Variants in ZC3H3 observed in about 807,000 individuals in gnomAD.
ZC3H3 encodes the protein zinc finger CCCH domain-containing protein 3.
In ZC3H3, 36 loss-of-function variants were observed where a neutral mutation model predicts 77.3. That is an observed-to-expected ratio of 0.47 (90% CI 0.36 to 0.61). The LOEUF is 0.61. ZC3H3 is among the 20% of genes least tolerant of loss of function. The pLI is 0.00. For missense variants in ZC3H3, 1,331 were observed against 1,312.2 expected (o/e 1.01, Z -0.22); for synonymous variants, 626 against 555.2 (o/e 1.13, Z -1.79).
At chr8:143,472,590 C>A (rs1172345376) in intron 5 of ZC3H3, among the ~76,000 whole-genome samples, 2 of 152,146 alleles carry the variant, frequency 1.3e-5, no homozygotes, top group East Asian at 3.9e-4. Context: ...CTGAGGGGGC[C>A]AAGTGCAAAC....
At chr8:143,453,250 G>GT (rs761940887) in intron 9 of ZC3H3, among the ~76,000 whole-genome samples, 2 of 151,284 alleles carry the variant, frequency 1.3e-5, no homozygotes, top group Non-Finnish European at 2.9e-5. Flanking sequence ...ACTAATTTTT[G>GT]TTTTTTTGTT....
At chr8:143,505,331 C>G (rs189713277) in intron 4 of ZC3H3, among the ~76,000 whole-genome samples, 85 of 152,342 alleles carry the variant, frequency 5.6e-4, no homozygotes, top group African/African-American at 2.0e-3. Context: ...AGCCCTGGCT[C>G]TGATGCAGCA....
At chr8:143,535,521 A>G (rs6558370) in intron 3 of ZC3H3, among the ~76,000 whole-genome samples, 82,097 of 152,070 alleles carry the variant, frequency 0.54, 22,436 homozygotes, top group East Asian at 0.68. Context: ...GTGGCTCCAC[A>G]CTGACCCCCA....
chr8:143,474,330 G>A (rs999458206), intron 5 of ZC3H3, among the ~76,000 whole-genome samples: 1 of 152,124 alleles, frequency 6.6e-6, no homozygotes, highest in Non-Finnish European at 1.5e-5. Flanking sequence ...AGCGAGTGGG[G>A]ATTTATTCCT....
At chr8:143,489,297 C>T (rs1274476815) in intron 4 of ZC3H3, among the ~76,000 whole-genome samples, 1 of 152,178 alleles carries the variant, frequency 6.6e-6, no homozygotes, top group Admixed American at 6.5e-5. Flanking sequence ...GCAGGGGACG[C>T]CCCAGGTGGG....
chr8:143,512,565 G>T (rs1187736082), intron 3 of ZC3H3, among the ~76,000 whole-genome samples: 1 of 152,210 alleles, frequency 6.6e-6, no homozygotes, highest in Non-Finnish European at 1.5e-5. Flanking sequence ...TTCCAGTACG[G>T]CCGTGAATGC....
intron 2 of ZC3H3, among the ~76,000 whole-genome samples, chr8:143,537,506 G>A (rs1489232206): frequency 6.6e-6 from 1 of 152,232 alleles, no homozygotes; most frequent in Non-Finnish European, 1.5e-5. Flanking sequence ...GGGGCATGCA[G>A]GAAAGACCAG....
chr8:143,452,493 G>A (rs369663066), intron 9 of ZC3H3, among the ~76,000 whole-genome samples: 15 of 152,288 alleles, frequency 9.8e-5, no homozygotes, highest in African/African-American at 3.1e-4. Context: ...CTCCAAGCTC[G>A]GTGAAGAGGG....
chr8:143,538,521 G>A lies in ZC3H3; in HGVS notation c.846C>T (p.Pro282=), dbSNP rs376420066. 3.2e-5 allele frequency: 51 copies of A among 1,612,218 alleles called. No individual in the cohort carries two copies. The highest frequency in any genetic ancestry group is 5.3e-5 in the African/African-American group (4 of 74,942). ...QPVPSGSVGG[P]ARPASGPRQA... is the part of the protein sequence containing the mutation. ...GCCTGGGTCCTGAGGCCGGTCTGGC[G>A]GGGCCCCCCACTGAGCCAGACGGAA... The change falls in exon 2 of 12, where the codon CCC becomes CCT. Residue 282 remains proline (P), a synonymous_variant. Transcript: ENST00000262577.
chr8:143,539,493 C>T (rs190361868), intron 1 of ZC3H3, among the ~76,000 whole-genome samples, 173 bp from the exon 2 acceptor site: 2 of 152,266 alleles, frequency 1.3e-5, no homozygotes, highest in East Asian at 3.9e-4. Context: ...CAACTCAGCC[C>T]GCGTCACCTG....
At position 143,460,314 on chromosome 8, in the gene ZC3H3, A is replaced by G. The variant is rs1219892788; in HGVS notation, c.2307+5403T>C. Among the ~76,000 whole-genome samples, 2 of 152,072 alleles carry G rather than the reference A, an allele frequency of 1.3e-5. No individual in the cohort carries two copies. Among genetic ancestry groups the G allele is most frequent in the Non-Finnish European group, 2.9e-5 (2 of 68,004 alleles). On this transcript the variant is annotated intron_variant, in intron 9 of 11. Transcript: ENST00000262577. The surrounding 1 kb of genome is among the most constrained non-coding windows in gnomAD (Gnocchi z 4.0). ...TAAAAGGCATCCCAATTGAAAAGGA[A>G]GAAGTAAAATTATCTGTTTGCTGAT...
At chr8:143,452,852 T>C (rs1030976328) in intron 9 of ZC3H3, among the ~76,000 whole-genome samples, 2 of 152,160 alleles carry the variant, frequency 1.3e-5, no homozygotes, top group Admixed American at 6.5e-5. Context: ...CTAACATTCA[T>C]GTAACTGGAG....
intron 4 of ZC3H3, among the ~76,000 whole-genome samples, chr8:143,478,974 C>G (rs894890395): frequency 1.3e-5 from 2 of 152,204 alleles, no homozygotes; most frequent in Non-Finnish European, 2.9e-5. Context: ...GGGATCTGCG[C>G]CCGCTCTTCA....
At chr8:143,447,337 G>A (rs773599327) in intron 9 of ZC3H3, among the ~76,000 whole-genome samples, 3 of 152,222 alleles carry the variant, frequency 2.0e-5, no homozygotes, top group Non-Finnish European at 4.4e-5. Flanking sequence ...CAGCCACCTT[G>A]GAGGACGTGT....
At chr8:143,448,487 G>A (rs1361962905) in intron 9 of ZC3H3, among the ~76,000 whole-genome samples, 3 of 152,196 alleles carry the variant, frequency 2.0e-5, no homozygotes, top group South Asian at 4.1e-4. Flanking sequence ...ACACAGCAAC[G>A]CAGTCATTAA....
rs1162072106 is a variant in ZC3H3, at chr8:143,538,748, T to C, written c.619A>G (p.Ser207Gly). 1 of 1,611,092 alleles carries C rather than the reference T, an allele frequency of 6.2e-7. No individual in the cohort carries two copies. The highest frequency in any genetic ancestry group is 8.5e-7 in the Non-Finnish European group (1 of 1,179,876). ...GKPRMVKSVG[S>G]VGDSPREPRR... ...GGCTCCCGGGGGCTGTCGCCCACAC[T>C]GCCCACTGACTTCACCATCCTGGGC... Residue 207 changes from serine (S) to glycine (G), a missense_variant, in exon 2 of 12, where the codon AGT (serine) becomes GGT (glycine). By Grantham distance (56) the Ser-to-Gly change is moderately conservative (BLOSUM62 0). Coordinates refer to ENST00000262577, the MANE Select transcript of ZC3H3 (RefSeq NM_015117.3).
intron 1 of ZC3H3, 122 bp from the exon 2 acceptor site, chr8:143,539,442 AG>A: frequency 1.9e-6 from 2 of 1,058,056 alleles, no homozygotes; most frequent in Non-Finnish European, 2.6e-6. Flanking sequence ...AGCCCCTGCC[AG>A]TTTCAGGAGG....
At chr8:143,477,110 C>T (rs1820756978) in intron 4 of ZC3H3, among the ~76,000 whole-genome samples, 1 of 152,230 alleles carries the variant, frequency 6.6e-6, no homozygotes, top group Non-Finnish European at 1.5e-5. Flanking sequence ...CCTGCAACCC[C>T]TCCGGGCCTT....
chr8:143,488,463 T>C (rs34677216), intron 4 of ZC3H3, among the ~76,000 whole-genome samples: 1 of 137,866 alleles, frequency 7.3e-6, no homozygotes, highest in African/African-American at 2.9e-5. Context: ...CACGACCCCA[T>C]CACCACGAAG....
Sources: allele counts gnomAD v4.1 joint callset (sites outside exome capture counted in the v4.1 genomes callset), GRCh38; gene constraint gnomAD v4.1.1; non-coding constraint Gnocchi (gnomAD v3.1); transcripts MANE v1.5; gene names NCBI Gene and HGNC (gene_info 2026-07-23, HGNC 2026-07-21).